The following LRP8 variants were observed in gnomAD, a reference collection of about 807,000 sequenced individuals.
LRP8 encodes the protein LDL receptor related protein 8.
A neutral mutation model predicts 111.6 loss-of-function variants in LRP8; 46 were observed. The ratio of observed to expected loss-of-function variants is 0.41; its 90% CI spans 0.33 to 0.53. The LOEUF (loss-of-function observed/expected upper bound fraction) is 0.53, where lower values mean the gene tolerates loss of function less well. Among genes scored for constraint, LRP8 ranks in the 20% least tolerant of loss-of-function variants. The probability of loss-of-function intolerance (pLI) is 0.20; values close to 1 mark genes in which losing one functional copy is unlikely to be tolerated. For missense variants in LRP8, 959 were observed against 1,297.4 expected, an observed-to-expected ratio of 0.74 and a Z score of 4.01; for synonymous variants, 464 against 511.2, an observed-to-expected ratio of 0.91 and a Z score of 1.24.
chr1:53,291,916 C>T (rs989507906), intron 2 of LRP8: 1 of 152,224 alleles, frequency 6.6e-6, no homozygotes, highest in Non-Finnish European at 1.5e-5. Flanking sequence ...TCTTCCCTGT[C>T]CCTGCAGCAC....
chr1:53,325,893 A>G (rs776867123), intron 2 of LRP8, among the ~76,000 whole-genome samples: 1 of 152,206 alleles, frequency 6.6e-6, no homozygotes. Context: ...TCTCTAGGAG[A>G]GCCCTGTTTT....
Position 53,271,343 on chromosome 1 carries a change from A to G in LRP8, c.1010T>C (p.Leu337Pro), listed in dbSNP as rs201912741. ...GCCATTGTTGTGCAGACACTCGTTC[A>G]GCCCTGGGGAGGGACATGGGCTCCT... is the stretch of plus-strand genomic sequence containing the variant. ...GSDEAGCLQGLNECLHNNGGC... is the reference protein window; with the variant it reads ...GSDEAGCLQGPNECLHNNGGC... The change falls in exon 7 of 19, where the codon CTG (leucine) becomes CCG (proline). Residue 337 changes from leucine (L) to proline (P), a missense_variant. Around this residue, in one of 3 missense-constraint regions of LRP8, gnomAD observed 819 missense variants for 1,097.6 expected, o/e 0.75. Coordinates refer to ENST00000306052, the MANE Select transcript of LRP8 (RefSeq NM_004631.5). The G allele has an allele frequency of 1.4e-5, 22 of 1,613,998 alleles. 1 individual carries two copies. In the East Asian group the frequency reaches 4.9e-4, roughly 36 times the overall value.
chr1:53,313,267 T>C (rs975699562), intron 2 of LRP8, among the ~76,000 whole-genome samples: 6 of 152,060 alleles, frequency 3.9e-5, no homozygotes, highest in Non-Finnish European at 7.4e-5. Context: ...AAACCCTCAG[T>C]GAATGTTGGA....
In LRP8 at chr1:53,294,716, GCTGA is replaced by G. The variant is rs750807373; in HGVS notation, c.245-5031_245-5028del. Among the ~76,000 whole-genome samples the G allele has an allele frequency of 1.1e-4, 17 of 152,130 alleles. No individual in the cohort carries two copies. The highest frequency in any genetic ancestry group is 1.9e-4 in the East Asian group (1 of 5,176). ...CCTCATCAGGAAATGGAGGTGTGGCGCTGACTAAGTCTTAAGGCCCTCTCCACAC... is the reference window on the plus strand; with the variant it reads ...CCTCATCAGGAAATGGAGGTGTGGCGCTAAGTCTTAAGGCCCTCTCCACAC... On this transcript the variant is annotated intron_variant, in intron 2 of 18. Transcript: ENST00000306052. The surrounding 1 kb of genome is among the most constrained non-coding windows in gnomAD (Gnocchi z 4.1).
At chr1:53,281,782 T>C (rs1647120009) in intron 3 of LRP8, among the ~76,000 whole-genome samples, 1 of 152,220 alleles carries the variant, frequency 6.6e-6, no homozygotes, top group Non-Finnish European at 1.5e-5. Context: ...ACTAAGTTAA[T>C]GTCTGTAAAG....
rs546992080 is a variant in LRP8 at position 53,322,817 on chromosome 1, T to C, written c.244+4056A>G. The stretch of plus-strand genomic sequence containing the variant: ...GCGGGCTACAGCACAGGCAGGGAGC[T>C]GTGGCCGAGCTTTAATTATTTATGA... On this transcript the variant is annotated intron_variant, in intron 2 of 18. Coordinates refer to ENST00000306052, the MANE Select transcript of LRP8 (RefSeq NM_004631.5). Among the ~76,000 whole-genome samples the C allele has an allele frequency of 5.3e-5, 8 of 152,246 alleles. No individual in the cohort carries two copies. In the South Asian group the frequency reaches 8.3e-4, roughly 16 times the overall value.
In LRP8 at chr1:53,247,066, C is replaced by A; in HGVS notation, c.2854-10G>T. 2 of 1,587,964 alleles carry A rather than the reference C, an allele frequency of 1.3e-6. No individual in the cohort carries two copies. Among genetic ancestry groups the A allele is most frequent in the Admixed American group, 1.9e-5 (1 of 53,478 alleles). On this transcript the variant is annotated splice_polypyrimidine_tract_variant and intron_variant, in intron 18 of 18. Transcript: ENST00000306052. ...GGCTTAATGCCACTCGCTGGGGAGA[C>A]AAACCAAAGAATTCATCATTAGATC...
At chr1:53,255,892 A>G (rs1464246259) in intron 15 of LRP8, among the ~76,000 whole-genome samples, 3 of 152,234 alleles carry the variant, frequency 2.0e-5, no homozygotes, top group African/African-American at 7.2e-5. Flanking sequence ...TAAAATGAAT[A>G]TAAAATGCTT....
chr1:53,318,240 C>CA (rs1437982460), intron 2 of LRP8, among the ~76,000 whole-genome samples: 1 of 144,032 alleles, frequency 6.9e-6, no homozygotes, highest in Non-Finnish European at 1.5e-5. Context: ...TACTCTTCTG[C>CA]TTTTTTTTTT....
intron 2 of LRP8, among the ~76,000 whole-genome samples, chr1:53,290,429 T>C (rs1413842473): frequency 6.6e-6 from 1 of 152,090 alleles, no homozygotes; most frequent in Non-Finnish European, 1.5e-5. Context: ...AGTCGTAATG[T>C]ATGAAGAACC....
At position 53,266,712 on chromosome 1, in the gene LRP8, ACT is replaced by A. The variant is rs1646576058; in HGVS notation, c.1253-67_1253-66del. Reference sequence around the variant, plus strand: ...AGAGGCAGGGAGCCTGGAGACCAAGACTCTGCCACTGGCTTGCTGGCTGACAC... The same window carrying A: ...AGAGGCAGGGAGCCTGGAGACCAAGACTGCCACTGGCTTGCTGGCTGACAC... On this transcript the variant is annotated intron_variant, in intron 8 of 18. Transcript: ENST00000306052. The surrounding 1 kb of genome is among the most constrained non-coding windows in gnomAD (Gnocchi z 5.0). The A allele has an allele frequency of 5.5e-6, 8 of 1,449,090 alleles. No homozygotes were observed. In the South Asian group the frequency reaches 9.3e-5, roughly 17 times the overall value. The allele number at this position is 1,449,090 out of a possible 1,614,324, so 89.8% of individuals were successfully genotyped here.
chr1:53,326,982 C>A lies in LRP8; in HGVS notation c.135G>T (p.Lys45Asn). ...ACTGGAATTGGTCCTTTTCGCAATC[C>A]TTGGCCGGCCCTGCGAGGGGGAGGG... is the stretch of plus-strand genomic sequence containing the variant. ...DPLLGGQGPA[K>N]DCEKDQFQCR... Residue 45 changes from lysine to asparagine, a missense_variant, in exon 2 of 19, where the codon AAG becomes AAT. Transcript: ENST00000306052. The A allele has an allele frequency of 6.2e-7, 1 of 1,613,246 alleles. No individual in the cohort carries two copies. Among genetic ancestry groups the A allele is most frequent in the Non-Finnish European group, 8.5e-7 (1 of 1,179,946 alleles).
chr1:53,325,355 A>C (rs1328607310), intron 2 of LRP8, among the ~76,000 whole-genome samples: 1 of 152,166 alleles, frequency 6.6e-6, no homozygotes, highest in Non-Finnish European at 1.5e-5. Context: ...CTAAAATAGG[A>C]CTGTTATGAA....
In LRP8 at chr1:53,317,791, C is replaced by T. The variant is rs1203586653; in HGVS notation, c.244+9082G>A. 6.6e-6 allele frequency among the ~76,000 whole-genome samples: 1 copy of T among 152,210 alleles called. No homozygotes were observed. Among genetic ancestry groups the T allele is most frequent in the Non-Finnish European group, 1.5e-5 (1 of 68,042 alleles). On this transcript the variant is annotated intron_variant, in intron 2 of 18. Transcript: ENST00000306052. The surrounding 1 kb of genome is among the most constrained non-coding windows in gnomAD (Gnocchi z 4.9). ...GGCCTCACTCCATTTTTCTCCATCA[C>T]TGCACTGCATCCGGCCCAATTGTGA...
chr1:53,258,232 A>G (rs533581908), intron 14 of LRP8, 87 bp downstream of exon 14: 4 of 1,378,270 alleles, frequency 2.9e-6, no homozygotes, highest in South Asian at 2.8e-5. Flanking sequence ...AACCAGCAGC[A>G]TACTGTGTCC....
intron 2 of LRP8, among the ~76,000 whole-genome samples, chr1:53,298,066 G>A (rs1360192591): frequency 1.3e-5 from 2 of 152,154 alleles, no homozygotes; most frequent in African/African-American, 4.8e-5. Context: ...CACACGGAGG[G>A]GTTGTGGATC....
Position 53,264,394 on chromosome 1 carries a change from G to A in LRP8, c.1430C>T (p.Ala477Val), listed in dbSNP as rs1369313523. 6.2e-7 allele frequency: 1 copy of A among 1,612,422 alleles called. No individual in the cohort carries two copies. Among genetic ancestry groups the A allele is most frequent in the East Asian group, 2.2e-5 (1 of 44,836 alleles). The change falls in exon 10 of 19, where the codon GCC (alanine) becomes GTC (valine). Residue 477 changes from alanine (A) to valine (V), a missense_variant and splice_region_variant. Transcript: ENST00000306052. The part of the protein sequence containing the change: ...CDLSYRKIYS[A>V]YMDKASDPKE... ...CGGGTCACTGGCCTTGTCCATGTAG[G>A]CGCTTAAGAGAAAACAGAGATGACC...
chr1:53,323,662 G>A (rs1179243627), intron 2 of LRP8, among the ~76,000 whole-genome samples: 4 of 152,170 alleles, frequency 2.6e-5, no homozygotes, highest in South Asian at 2.1e-4. Context: ...CTTCCATCCC[G>A]CAAGCTCCAT....
intron 15 of LRP8, among the ~76,000 whole-genome samples, chr1:53,256,414 G>A (rs1646089543): frequency 6.6e-6 from 1 of 152,236 alleles, no homozygotes; most frequent in African/African-American, 2.4e-5. Context: ...AAGCTGGTGA[G>A]AGGCTCTGCC....
Sources: allele counts gnomAD v4.1 joint callset (sites outside exome capture counted in the v4.1 genomes callset), GRCh38; gene constraint gnomAD v4.1.1; regional missense constraint gnomAD v4.1.1; non-coding constraint Gnocchi (gnomAD v3.1); transcripts MANE v1.5; gene names NCBI Gene and HGNC (gene_info 2026-07-23, HGNC 2026-07-21).